The following CFAP157 variants were observed in gnomAD, a reference collection of about 807,000 sequenced individuals.
CFAP157 encodes cilia and flagella associated protein 157.
A neutral mutation model predicts 57.8 loss-of-function variants in CFAP157; 43 were observed. The observed-to-expected ratio is 0.74, with a 90% CI of 0.58 to 0.96. The LOEUF (loss-of-function observed/expected upper bound fraction) is 0.96, where lower values mean the gene tolerates loss of function less well. CFAP157 is among the 40% of genes least tolerant of loss of function. The pLI is 0.00. For synonymous variants in CFAP157, 267 were observed against 269.0 expected (o/e 0.99, Z 0.07); for missense variants, 606 against 655.3 (o/e 0.92, Z 0.82).
rs996525600 is a variant in CFAP157 at position 127,715,458 on chromosome 9, T to C, written c.*1553T>C. On this transcript the variant is annotated 3_prime_UTR_variant, in exon 9 of 9. Transcript: ENST00000373295. The surrounding 1 kb of genome is among the most constrained non-coding windows in gnomAD (Gnocchi z 5.8). ...ACCAGTTAAGAAAACAGAGCAGCAATTTGGGGGCACTCGGCTCCCGGGACA... is the reference window on the plus strand; with the variant it reads ...ACCAGTTAAGAAAACAGAGCAGCAACTTGGGGGCACTCGGCTCCCGGGACA... 2.4e-5 allele frequency: 37 copies of C among 1,573,932 alleles called. No homozygotes were observed. Among genetic ancestry groups the C allele is most frequent in the Non-Finnish European group, 3.0e-5 (35 of 1,151,028 alleles).
At chr9:127,713,569 C>T in intron 8 of CFAP157, 1 of 323,068 alleles carries the variant, frequency 3.1e-6, no homozygotes, top group Non-Finnish European at 5.6e-6. Context: ...TGCAGTGCCA[C>T]AATCTCAGCT....
chr9:127,710,808 C>A, intron 3 of CFAP157, 54 bp downstream of exon 3: 1 of 1,539,254 alleles, frequency 6.5e-7, no homozygotes, highest in East Asian at 2.5e-5. Context: ...CCTGGGGCTA[C>A]GAACATCCTA....
rs1842746586 is a variant in CFAP157, at chr9:127,710,733, A to C, written c.566A>C (p.Lys189Thr). ...GACTATGCATACAACCTGGAGAAGA[A>C]GTCGGTGCTGGACAAGGACAGGTGG... The part of the protein sequence containing the change: ...FRDYAYNLEK[K>T]SVLDKDRLRK... The change falls in exon 3 of 9, where the codon AAG becomes ACG. Residue 189 changes from lysine to threonine, a missense_variant. Physicochemically the swap from Lys to Thr is moderately conservative, Grantham distance 78. Transcript: ENST00000373295. 1 of 1,568,442 alleles carries C rather than the reference A, an allele frequency of 6.4e-7. No individual in the cohort carries two copies. Among genetic ancestry groups the C allele is most frequent in the Non-Finnish European group, 8.7e-7 (1 of 1,155,762 alleles).
intron 3 of CFAP157, among the ~76,000 whole-genome samples, chr9:127,711,013 A>C (rs1685628928): frequency 6.6e-6 from 1 of 152,188 alleles, no homozygotes; most frequent in South Asian, 2.1e-4. Context: ...GGATTAAATC[A>C]TGTTACTTAA....
intron 1 of CFAP157, 82 bp downstream of exon 1, chr9:127,707,274 G>A (rs1053228631): frequency 2.0e-6 from 3 of 1,499,670 alleles, no homozygotes; most frequent in African/African-American, 2.8e-5. Context: ...TTTGGCCATG[G>A]GGCCTTAGGC....
At position 127,714,557 on chromosome 9, in the gene CFAP157, G is replaced by C. The variant is rs764017770; in HGVS notation, c.*652G>C. On this transcript the variant is annotated 3_prime_UTR_variant, in exon 9 of 9. Transcript: ENST00000373295. ...CAGCAGCCCTACTCCACCCCAACTG[G>C]GAGGCCTGAAGCCCTATCCCAACCC... 1 of 1,596,964 alleles carries C rather than the reference G, an allele frequency of 6.3e-7. No homozygotes were observed. The highest frequency in any genetic ancestry group is 8.6e-7 in the Non-Finnish European group (1 of 1,164,864).
In CFAP157 at chr9:127,715,254, C is replaced by A. The variant is rs1408011335; in HGVS notation, c.*1349C>A. ...ACTCTCGCCACCCCCGATCTCACAG[C>A]GTCCCGTGGGCCCCAACGCAGAGGA... On this transcript the variant is annotated 3_prime_UTR_variant, in exon 9 of 9. Coordinates refer to ENST00000373295, the MANE Select transcript of CFAP157 (RefSeq NM_001012502.3). This position sits in a 1 kb window ranked among gnomAD's most constrained non-coding sequence, Gnocchi z 5.8. 1.3e-6 allele frequency: 2 copies of A among 1,490,540 alleles called. No homozygotes were observed. The highest frequency in any genetic ancestry group is 1.8e-6 in the Non-Finnish European group (2 of 1,106,020). The allele number at this position is 1,490,540 out of a possible 1,614,324, so 92.3% of individuals were successfully genotyped here. A position where few individuals can be genotyped will look rare whatever the true frequency, so the allele number is the denominator to read the frequency against.
In CFAP157 at chr9:127,715,089, G is replaced by C; in HGVS notation, c.*1184G>C. 2 of 1,532,416 alleles carry C rather than the reference G, an allele frequency of 1.3e-6. No individual in the cohort carries two copies. The highest frequency in any genetic ancestry group is 1.7e-6 in the Non-Finnish European group (2 of 1,145,444). The allele number at this position is 1,532,416 out of a possible 1,614,324, so 94.9% of individuals were successfully genotyped here. A position where few individuals can be genotyped will look rare whatever the true frequency, so the allele number is the denominator to read the frequency against. ...AGGTCGGCGGCACAGTGCCGGTCGC[G>C]CGTCCAACTCTCCGCCACACCCAGC... On this transcript the variant is annotated 3_prime_UTR_variant, in exon 9 of 9. Transcript: ENST00000373295. The surrounding 1 kb of genome is among the most constrained non-coding windows in gnomAD (Gnocchi z 5.8).
At chr9:127,710,282 C>CAAAA (rs60165824) in intron 2 of CFAP157, among the ~76,000 whole-genome samples, 1 of 82,618 alleles carries the variant, frequency 1.2e-5, no homozygotes, top group African/African-American at 5.0e-5. Flanking sequence ...GACCCTGTCT[C>CAAAA]AAAAAAAAAA....
In CFAP157 at chr9:127,711,467, A is replaced by G. The variant is rs1408257929; in HGVS notation, c.826A>G (p.Met276Val). The change falls in exon 4 of 9, where the codon ATG becomes GTG. Residue 276 changes from methionine (M) to valine (V), a missense_variant. Coordinates refer to ENST00000373295, the MANE Select transcript of CFAP157 (RefSeq NM_001012502.3). ...LELLENTQKVMARHKRGHQKI... is the reference protein window; with the variant it reads ...LELLENTQKVVARHKRGHQKI... ...GCTGCTGGAGAACACCCAGAAGGTC[A>G]TGGCCAGGCACAAAAGAGGCCACCA... 6.2e-7 allele frequency: 1 copy of G among 1,613,896 alleles called. No homozygotes were observed. Among genetic ancestry groups the G allele is most frequent in the South Asian group, 1.1e-5 (1 of 91,092 alleles).
Position 127,712,409 on chromosome 9 carries a change from C to CTGCTTGCT in CFAP157, c.1137+67_1137+68insTTGCTTGC. ...AGGGGGAGTGAGCGCAAGATGGAAG[C>CTGCTTGCT]TGCTTGCAGAGAAGGGGCTGCCTCA... On this transcript the variant is annotated intron_variant, in intron 6 of 8. Coordinates refer to ENST00000373295, the MANE Select transcript of CFAP157 (RefSeq NM_001012502.3). 4.4e-6 allele frequency: 7 copies of CTGCTTGCT among 1,589,492 alleles called. No homozygotes were observed. In the South Asian group the frequency reaches 7.9e-5, roughly 18 times the overall value.
rs1233556879 is a variant in CFAP157 at position 127,714,474 on chromosome 9, T to A, written c.*569T>A. 6.2e-7 allele frequency: 1 copy of A among 1,609,428 alleles called. No individual in the cohort carries two copies. Among genetic ancestry groups the A allele is most frequent in the Non-Finnish European group, 8.5e-7 (1 of 1,175,790 alleles). ...TTAGTGCCTCCCTGGGGCAGTGTCC[T>A]TCCACCCCTCCCTGCCCCGGCTGGG... On this transcript the variant is annotated 3_prime_UTR_variant, in exon 9 of 9. Transcript: ENST00000373295.
At position 127,714,407 on chromosome 9, in the gene CFAP157, C is replaced by G. The variant is rs374030884; in HGVS notation, c.*502C>G. ...GGAGTTGAGGCAGCTAATGCAGGAA[C>G]GGACTCCATTGTGGCCCCTTCAAGG... On this transcript the variant is annotated 3_prime_UTR_variant, in exon 9 of 9. Transcript: ENST00000373295. 8 of 1,614,084 alleles carry G rather than the reference C, an allele frequency of 5.0e-6. No homozygotes were observed. In the African/African-American group the frequency reaches 1.1e-4, roughly 22 times the overall value.
Position 127,715,986 on chromosome 9 carries a change from A to G in CFAP157, c.*2081A>G, listed in dbSNP as rs1842974073. The stretch of plus-strand genomic sequence containing the variant: ...GTAGGCCTCAACCTCTCCAGCTAAT[A>G]AAAGTTTTCTACCTCCCTCCGGCTC... On this transcript the variant is annotated 3_prime_UTR_variant, in exon 9 of 9. Transcript: ENST00000373295. This position sits in a 1 kb window ranked among gnomAD's most constrained non-coding sequence, Gnocchi z 5.8. 1.9e-6 allele frequency: 2 copies of G among 1,064,962 alleles called. No homozygotes were observed. Among genetic ancestry groups the G allele is most frequent in the African/African-American group, 3.2e-5 (2 of 63,336 alleles). 66.0% of individuals were successfully genotyped at this position (1,064,962 alleles called of 1,614,324 possible).
At chr9:127,713,496 C>CTTTT (rs58502035) in intron 8 of CFAP157, 13 of 90,930 alleles carry the variant, frequency 1.4e-4, no homozygotes, top group South Asian at 1.9e-4. Context: ...CAGCATCTTT[C>CTTTT]TTTTTTTTTT....
At chr9:127,711,612 G>A (rs1842766891) in intron 4 of CFAP157, 116 bp downstream of exon 4, 2 of 1,351,156 alleles carry the variant, frequency 1.5e-6, no homozygotes, top group South Asian at 2.8e-5. Context: ...AGGCAGCAGA[G>A]AGAGGACTGG....
Position 127,715,631 on chromosome 9 carries a change from C to T in CFAP157, c.*1726C>T, listed in dbSNP as rs752256120. The T allele has an allele frequency of 1.2e-6, 2 of 1,612,060 alleles. No individual in the cohort carries two copies. The highest frequency in any genetic ancestry group is 1.7e-6 in the Non-Finnish European group (2 of 1,179,870). On this transcript the variant is annotated 3_prime_UTR_variant, in exon 9 of 9. Coordinates refer to ENST00000373295, the MANE Select transcript of CFAP157 (RefSeq NM_001012502.3). This position sits in a 1 kb window ranked among gnomAD's most constrained non-coding sequence, Gnocchi z 5.8. ...GCTGTCCGGCGCCCAAAAAGCCGCC[C>T]GGCCTCATGCTGCCCCCATTCACTC...
In CFAP157 at chr9:127,714,626, A is replaced by C; in HGVS notation, c.*721A>C. The C allele has an allele frequency of 6.2e-7, 1 of 1,613,972 alleles. No homozygotes were observed. The highest frequency in any genetic ancestry group is 8.5e-7 in the Non-Finnish European group (1 of 1,179,938). ...ACCTGGCACTGCCCCCCAGCTTCAG[A>C]GCCAGTCTCCCCAGGGGCTTGTCCA... On this transcript the variant is annotated 3_prime_UTR_variant, in exon 9 of 9. Coordinates refer to ENST00000373295, the MANE Select transcript of CFAP157 (RefSeq NM_001012502.3).
At position 127,713,937 on chromosome 9, in the gene CFAP157, G is replaced by T; in HGVS notation, c.*32G>T. On this transcript the variant is annotated 3_prime_UTR_variant, in exon 9 of 9. Transcript: ENST00000373295. ...GAGAGAAGAACCTACTCCAGAAATG[G>T]ACTGGTCCAGTCACAGTCACCCCCA... 1.2e-6 allele frequency: 2 copies of T among 1,601,968 alleles called. No homozygotes were observed. The highest frequency in any genetic ancestry group is 8.6e-7 in the Non-Finnish European group (1 of 1,169,198).
Sources: allele counts gnomAD v4.1 joint callset (sites outside exome capture counted in the v4.1 genomes callset), GRCh38; gene constraint gnomAD v4.1.1; non-coding constraint Gnocchi (gnomAD v3.1); transcripts MANE v1.5; gene names NCBI Gene and HGNC (gene_info 2026-07-23, HGNC 2026-07-21).